Variants in AKTIP observed in about 807,000 individuals in gnomAD.
The protein encoded by AKTIP is AKT-interacting protein.
AKTIP carries 16 observed loss-of-function variants against 39.1 expected under a neutral mutation model. The observed-to-expected ratio is 0.41, with a 90% CI of 0.28 to 0.62. AKTIP has a LOEUF of 0.62. Ranked by LOEUF, AKTIP falls within the 20% of genes least tolerant of loss-of-function variation. The probability of loss-of-function intolerance (pLI) is 0.32; values close to 1 mark genes in which losing one functional copy is unlikely to be tolerated. For missense variants in AKTIP, 262 were observed against 356.6 expected (o/e 0.73, Z 2.14); for synonymous variants, 93 against 124.3 (o/e 0.75, Z 1.67).
chr16:53,495,715 G>T (rs146258040), intron 3 of AKTIP, among the ~76,000 whole-genome samples: 1 of 152,352 alleles, frequency 6.6e-6, no homozygotes, highest in Non-Finnish European at 1.5e-5. Context: ...TACAGCTGAG[G>T]TCAATGAGAG....
intron 8 of AKTIP, 131 bp from the exon 9 acceptor site, chr16:53,492,884 T>C (rs1449807703): frequency 1.4e-6 from 1 of 730,268 alleles, no homozygotes; most frequent in Non-Finnish European, 2.3e-6. Context: ...TCGACATGTA[T>C]GTTTTAGACA....
At chr16:53,495,393 C>T (rs1598152907) in intron 3 of AKTIP, 67 bp from the exon 4 acceptor site, 1 of 1,492,108 alleles carries the variant, frequency 6.7e-7, no homozygotes. Context: ...AACCACCCCA[C>T]ATTCACTTTG....
chr16:53,496,859 TGAG>T (rs1359263589), intron 3 of AKTIP, among the ~76,000 whole-genome samples: 4 of 152,162 alleles, frequency 2.6e-5, no homozygotes, highest in Admixed American at 6.5e-5. Flanking sequence ...GAAAAAAAGA[TGAG>T]GTCTCACTAT....
At chr16:53,502,512 C>G (rs1962229445) in intron 1 of AKTIP, among the ~76,000 whole-genome samples, 1 of 152,140 alleles carries the variant, frequency 6.6e-6, no homozygotes, top group African/African-American at 2.4e-5. Context: ...ACAGCGCACT[C>G]ACATCACCCC....
At chr16:53,504,095 T>A (rs1403742220), upstream of AKTIP, among the ~76,000 whole-genome samples, 7 of 148,780 alleles carry the variant, frequency 4.7e-5, no homozygotes, top group Non-Finnish European at 8.9e-5. Flanking sequence ...GGTCTTTTTT[T>A]TTTTTTTTTT....
In AKTIP at chr16:53,491,192, G is replaced by A. The variant is rs1435841909; in HGVS notation, c.*1220C>T. On this transcript the variant is annotated 3_prime_UTR_variant, in exon 10 of 10. Coordinates refer to ENST00000394657, the MANE Select transcript of AKTIP (RefSeq NM_022476.4). ...GATTTTAATCAAGTTGAATTGAGGG[G>A]ATTAATATGAAAACTTATGACCTCT... The A allele has an allele frequency of 6.6e-6, 1 of 152,172 alleles. No homozygotes were observed. The allele number at this position is 152,172 out of a possible 1,614,324, so 9.4% of individuals were successfully genotyped here.
At chr16:53,492,543 T>C in intron 9 of AKTIP, 24 bp from the exon 10 acceptor site, 1 of 1,612,704 alleles carries the variant, frequency 6.2e-7, no homozygotes, top group Non-Finnish European at 8.5e-7. Flanking sequence ...TCAAAACAGA[T>C]ATTTAAAAAA....
chr16:53,495,203 T>G, intron 4 of AKTIP, 30 bp from the exon 5 acceptor site: 1 of 1,612,550 alleles, frequency 6.2e-7, no homozygotes, highest in Non-Finnish European at 8.5e-7. Context: ...AGTTAAGGCC[T>G]AAATTTGTGT....
intron 5 of AKTIP, 72 bp from the exon 6 acceptor site, chr16:53,494,677 A>C: frequency 1.4e-6 from 2 of 1,432,890 alleles, no homozygotes; most frequent in Non-Finnish European, 1.9e-6. Flanking sequence ...AGGAATCGTG[A>C]TAAAAAGAGC....
At chr16:53,495,504 C>G (rs1961776992) in intron 3 of AKTIP, among the ~76,000 whole-genome samples, 178 bp from the exon 4 acceptor site, 1 of 152,222 alleles carries the variant, frequency 6.6e-6, no homozygotes, top group South Asian at 2.1e-4. Context: ...AGCCCCAGCC[C>G]TGATCGCTGC....
chr16:53,497,781 G>A (rs190247567), intron 3 of AKTIP, among the ~76,000 whole-genome samples: 11 of 152,192 alleles, frequency 7.2e-5, no homozygotes, highest in Admixed American at 2.0e-4. Context: ...ACGGGGTTTC[G>A]CTTTATCGCC....
Position 53,500,204 on chromosome 16 carries a change from T to C in AKTIP, c.42+14A>G. ...CAAATGGGTTTTCTTACTGAATTTA[T>C]CAACTATACCTACTTTGCGTACAGA... On this transcript the variant is annotated intron_variant, in intron 2 of 9. Coordinates refer to ENST00000394657, the MANE Select transcript of AKTIP (RefSeq NM_022476.4). The C allele has an allele frequency of 6.3e-7, 1 of 1,593,312 alleles. No individual in the cohort carries two copies. The highest frequency in any genetic ancestry group is 8.6e-7 in the Non-Finnish European group (1 of 1,164,782).
chr16:53,491,436 A>G lies in AKTIP; in HGVS notation c.*976T>C, dbSNP rs1451105219. On this transcript the variant is annotated 3_prime_UTR_variant, in exon 10 of 10. Coordinates refer to ENST00000394657, the MANE Select transcript of AKTIP (RefSeq NM_022476.4). ...ATTGTTCCAGCAGTTTTCAAGTCAAATTAATAATCTTATTAGGGAGAAAAT... is the reference window on the plus strand; with the variant it reads ...ATTGTTCCAGCAGTTTTCAAGTCAAGTTAATAATCTTATTAGGGAGAAAAT... 2 of 152,438 alleles carry G rather than the reference A, an allele frequency of 1.3e-5. No individual in the cohort carries two copies. The highest frequency in any genetic ancestry group is 2.9e-5 in the Non-Finnish European group (2 of 68,024). The allele number at this position is 152,438 out of a possible 1,614,324, so 9.4% of individuals were successfully genotyped here.
chr16:53,493,916 A>G (rs1418062329), intron 8 of AKTIP: 1 of 516,088 alleles, frequency 1.9e-6, no homozygotes, highest in Non-Finnish European at 3.4e-6. Context: ...CAAAGTCACC[A>G]GAGAATGTGC....
At chr16:53,496,063 G>T (rs1026288142) in intron 3 of AKTIP, among the ~76,000 whole-genome samples, 1 of 152,198 alleles carries the variant, frequency 6.6e-6, no homozygotes, top group African/African-American at 2.4e-5. Flanking sequence ...CTGGGACCCA[G>T]TTACCCACCC....
At position 53,495,242 on chromosome 16, in the gene AKTIP, A is replaced by G. The variant is rs374270833; in HGVS notation, c.313+20T>C. ...AGGAACTAAATGTGCCCATAAATTA[A>G]GAGTGAATCCTCATCTTACTTAATG... On this transcript the variant is annotated intron_variant, in intron 4 of 9. Coordinates refer to ENST00000394657, the MANE Select transcript of AKTIP (RefSeq NM_022476.4). 1 of 1,613,998 alleles carries G rather than the reference A, an allele frequency of 6.2e-7. No homozygotes were observed. The highest frequency in any genetic ancestry group is 1.3e-5 in the African/African-American group (1 of 74,942).
At chr16:53,502,869 G>A (rs1009871252) in intron 1 of AKTIP, 2 of 152,136 alleles carry the variant, frequency 1.3e-5, no homozygotes, top group Middle Eastern at 3.4e-3. Context: ...ACGGGCCGGG[G>A]CGAGCCAGCT....
At chr16:53,503,624 G>T (rs1411284582), upstream of AKTIP, among the ~76,000 whole-genome samples, 1 of 152,228 alleles carries the variant, frequency 6.6e-6, no homozygotes. Flanking sequence ...ACAGCCCACA[G>T]CGCAACCGCC....
At chr16:53,492,638 A>ATATT in intron 9 of AKTIP, 55 bp downstream of exon 9, 1 of 1,606,570 alleles carries the variant, frequency 6.2e-7, no homozygotes, top group Non-Finnish European at 8.5e-7. Flanking sequence ...CCAAATGAAG[A>ATATT]CATTTTAGAA....
Sources: allele counts gnomAD v4.1 joint callset (sites outside exome capture counted in the v4.1 genomes callset), GRCh38; gene constraint gnomAD v4.1.1; transcripts MANE v1.5; gene names NCBI Gene and HGNC (gene_info 2026-07-23, HGNC 2026-07-21).